SYTL2: variants seen among roughly 807,000 people sequenced by gnomAD.
SYTL2 encodes synaptotagmin like 2, also known as synaptotagmin-like protein 2.
Under a neutral mutation model 198.7 loss-of-function variants are expected in SYTL2, and 165 were observed. That is an observed-to-expected ratio of 0.83 (90% CI 0.73 to 0.94). The LOEUF (loss-of-function observed/expected upper bound fraction) is 0.94, where lower values mean the gene tolerates loss of function less well. Ranked by LOEUF, SYTL2 falls within the 40% of genes least tolerant of loss-of-function variation. The probability of loss-of-function intolerance (pLI) is 0.00; values close to 1 mark genes in which losing one functional copy is unlikely to be tolerated. For synonymous variants in SYTL2, 966 were observed against 917.7 expected (o/e 1.05, Z -0.95); for missense variants, 2,835 against 2,582.8 (o/e 1.10, Z -2.12).
At chr11:85,849,861 T>C in the SYTL2 span, among the ~76,000 whole-genome samples, 1 of 136,648 alleles carries the variant, frequency 7.3e-6, no homozygotes, top group Non-Finnish European at 1.6e-5. Flanking sequence ...GCATTGAATC[T>C]GTAAATTACC....
chr11:85,747,223 G>C (rs889928668), intron 3 of SYTL2, among the ~76,000 whole-genome samples: 6 of 151,936 alleles, frequency 3.9e-5, no homozygotes, highest in African/African-American at 1.5e-4. Context: ...GGGAGGGTGA[G>C]GCAGGAAGAT....
chr11:85,696,316 G>T lies in SYTL2; in HGVS notation c.6441C>A (p.Ile2147=), dbSNP rs745714121. Residue 2147 remains isoleucine (I), a synonymous_variant, in exon 19 of 20, where the codon ATC becomes ATA. Transcript: ENST00000359152. ...TRAVGKTTNP[I]FNHTMVYDGF... ...CATCATACACCATAGTGTGGTTGAA[G>T]ATAGGGTTGGTGGTTTTCCCTACAG... 5.0e-6 allele frequency: 8 copies of T among 1,613,938 alleles called. No individual in the cohort carries two copies. Among genetic ancestry groups the T allele is most frequent in the Non-Finnish European group, 5.9e-6 (7 of 1,179,940 alleles).
chr11:85,776,374 T>G (rs1200588738), intron 1 of SYTL2, among the ~76,000 whole-genome samples: 1 of 152,196 alleles, frequency 6.6e-6, no homozygotes, highest in Non-Finnish European at 1.5e-5. Context: ...ACATTAGGTA[T>G]TTCTCCTAAT....
intron 2 of SYTL2, among the ~76,000 whole-genome samples, chr11:85,754,869 C>T (rs2091764333): frequency 6.6e-6 from 1 of 152,072 alleles, no homozygotes; most frequent in Non-Finnish European, 1.5e-5. Flanking sequence ...GAAAGAATAA[C>T]AACGATGAGC....
intron 1 of SYTL2, among the ~76,000 whole-genome samples, chr11:85,792,998 T>C (rs1223612853): frequency 7.9e-5 from 12 of 152,126 alleles, no homozygotes; most frequent in African/African-American, 2.7e-4. Flanking sequence ...ATGGTGTATA[T>C]GTGCCACATT....
intron 9 of SYTL2, among the ~76,000 whole-genome samples, chr11:85,719,551 C>T (rs975811180): frequency 4.6e-5 from 7 of 151,830 alleles, no homozygotes; most frequent in Non-Finnish European, 1.0e-4. Context: ...TCACCAACAT[C>T]AGGAAAAACA....
chr11:85,805,366 T>G (rs2092945511), intron 1 of SYTL2, among the ~76,000 whole-genome samples: 1 of 152,042 alleles, frequency 6.6e-6, no homozygotes, highest in African/African-American at 2.4e-5. Flanking sequence ...CCTAAACCTT[T>G]TACTTATAAA....
In SYTL2 at chr11:85,724,920, C is replaced by A; in HGVS notation, c.4438G>T (p.Glu1480Ter). ...ACAATTGTTTCCCTCACAATTTCTT[C>A]CACTTCCTGAGGGAGGCCTTTGCCA... ...QYGKGLPQEV[E>*]EIVRETIVQP... The change falls in exon 8 of 20, where the codon GAA (glutamate) becomes TAA (stop). Residue 1480 changes from glutamate to a stop codon, truncating the protein, a stop_gained. Transcript: ENST00000359152. LOFTEE classifies it high-confidence loss of function. The A allele has an allele frequency of 1.9e-6, 3 of 1,614,152 alleles. No individual in the cohort carries two copies. The highest frequency in any genetic ancestry group is 2.5e-6 in the Non-Finnish European group (3 of 1,180,006).
intron 1 of SYTL2, among the ~76,000 whole-genome samples, chr11:85,761,152 A>C (rs904594597): frequency 6.6e-6 from 1 of 152,058 alleles, no homozygotes; most frequent in Non-Finnish European, 1.5e-5. Flanking sequence ...GATGGAAACA[A>C]TCAAACTAAA....
intron 14 of SYTL2, chr11:85,708,236 A>G (rs2085560850): frequency 5.9e-6 from 2 of 339,258 alleles, no homozygotes; most frequent in Non-Finnish European, 1.1e-5. Context: ...CCCCTCTGAG[A>G]AAACGCTTTG....
chr11:85,722,435 A>G (rs1221381726), intron 8 of SYTL2, among the ~76,000 whole-genome samples: 1 of 151,948 alleles, frequency 6.6e-6, no homozygotes, highest in African/African-American at 2.4e-5. Context: ...TGGCCTCCCA[A>G]AGTGCTGGGA....
chr11:85,777,550 G>A (rs1400485843), intron 1 of SYTL2, among the ~76,000 whole-genome samples: 2 of 151,948 alleles, frequency 1.3e-5, no homozygotes, highest in Non-Finnish European at 2.9e-5. Context: ...AAGATTTCAA[G>A]GTGAAGATAA....
At chr11:85,740,569 G>A (rs1313323061) in intron 4 of SYTL2, among the ~76,000 whole-genome samples, 1 of 152,132 alleles carries the variant, frequency 6.6e-6, no homozygotes, top group Non-Finnish European at 1.5e-5. Flanking sequence ...TGTGTCTTCT[G>A]TTTCTTAGAA....
chr11:85,708,837 A>ACTTT lies in SYTL2; in HGVS notation c.5915+493_5915+494insAAAG, dbSNP rs767972741. On this transcript the variant is annotated intron_variant, in intron 14 of 19. Coordinates refer to ENST00000359152, the MANE Select transcript of SYTL2 (RefSeq NM_206927.4). ...TTGAAACATTTTGTGCTTCTCTGTG[A>ACTTT]TTTTTTTTTTTTTTTTTTTTTTTTT... Among the ~76,000 whole-genome samples, 142 of 71,594 alleles carry ACTTT rather than the reference A, an allele frequency of 2.0e-3. 1 individual carries two copies. The highest frequency in any genetic ancestry group is 7.6e-3 in the African/African-American group (129 of 16,918). The allele number at this position is 71,594 out of a possible 152,430, so 47.0% of individuals were successfully genotyped here. A position where few individuals can be genotyped will look rare whatever the true frequency, so the allele number is the denominator to read the frequency against.
At chr11:85,826,361 C>G in the SYTL2 span, among the ~76,000 whole-genome samples, 1 of 152,212 alleles carries the variant, frequency 6.6e-6, no homozygotes, top group South Asian at 2.1e-4. Context: ...GGACCACTGT[C>G]TGTGAGGGTT....
chr11:85,786,947 T>G (rs1483312600), intron 1 of SYTL2, among the ~76,000 whole-genome samples: 1 of 152,218 alleles, frequency 6.6e-6, no homozygotes, highest in Admixed American at 6.5e-5. Context: ...TGAATAAAAG[T>G]GCTTTTAATA....
At chr11:85,695,430 T>C (rs1303046462) in intron 19 of SYTL2, 90 bp from the exon 20 acceptor site, 1 of 1,146,286 alleles carries the variant, frequency 8.7e-7, no homozygotes, top group Non-Finnish European at 1.2e-6. Flanking sequence ...TAACCACCAG[T>C]GGAAGCTAGG....
At position 85,811,078 on chromosome 11, in the gene SYTL2, G is replaced by A. The variant is rs1320067214; in HGVS notation, c.-514C>T. 6.6e-6 allele frequency: 1 copy of A among 152,238 alleles called. No homozygotes were observed. The highest frequency in any genetic ancestry group is 1.9e-4 in the East Asian group (1 of 5,184). The allele number at this position is 152,238 out of a possible 1,614,324, so 9.4% of individuals were successfully genotyped here. A position where few individuals can be genotyped will look rare whatever the true frequency, so the allele number is the denominator to read the frequency against. Reference sequence around the variant, plus strand: ...CGGCGCGTTACCTTCCCCCGGGCAAGGCGTTGCGAGCCTTCACTCTCCCGA... The same window carrying A: ...CGGCGCGTTACCTTCCCCCGGGCAAAGCGTTGCGAGCCTTCACTCTCCCGA... On this transcript the variant is annotated 5_prime_UTR_variant, in exon 1 of 20. Transcript: ENST00000359152.
At chr11:85,826,366 A>G in the SYTL2 span, among the ~76,000 whole-genome samples, 2 of 152,194 alleles carry the variant, frequency 1.3e-5, no homozygotes, top group African/African-American at 4.8e-5. Context: ...ACTGTCTGTG[A>G]GGGTTTGGGC....
Sources: allele counts gnomAD v4.1 joint callset (sites outside exome capture counted in the v4.1 genomes callset), GRCh38; gene constraint gnomAD v4.1.1; transcripts MANE v1.5; gene names NCBI Gene and HGNC (gene_info 2026-07-23, HGNC 2026-07-21).